Variants in CNKSR2 observed in about 807,000 individuals in gnomAD.
The protein encoded by CNKSR2 is connector enhancer of kinase suppressor of Ras 2, also known as CNK homolog protein 2.
CNKSR2 carries 14 observed loss-of-function variants against 84.4 expected under a neutral mutation model. The observed-to-expected ratio is 0.17, with a 90% CI of 0.11 to 0.26. CNKSR2 has a LOEUF of 0.26. Ranked by LOEUF, CNKSR2 falls within the 10% of genes least tolerant of loss-of-function variation. The pLI, the probability that CNKSR2 is intolerant of heterozygous loss-of-function variation, is 1.00. For synonymous variants in CNKSR2, 275 were observed against 277.9 expected (o/e 0.99, Z 0.10); for missense variants, 485 against 771.2 (o/e 0.63, Z 4.40).
At chrX:21,515,854 T>C (rs1179597848) in intron 8 of CNKSR2, among the ~76,000 whole-genome samples, 1 of 111,959 alleles carries the variant, frequency 8.9e-6, no homozygotes, top group Non-Finnish European at 1.9e-5. Context: ...GTTTATAGGG[T>C]TGTTTGGAAC....
chrX:21,589,477 A>G (rs1173185858), intron 13 of CNKSR2, among the ~76,000 whole-genome samples: 1 of 112,202 alleles, frequency 8.9e-6, no homozygotes, highest in African/African-American at 3.2e-5. Flanking sequence ...CCTGATTTTC[A>G]TTTTGAAGGA....
At chrX:21,613,287 C>T (rs1337630865) in intron 20 of CNKSR2, among the ~76,000 whole-genome samples, 1 of 112,161 alleles carries the variant, frequency 8.9e-6, no homozygotes, top group Non-Finnish European at 1.9e-5. Flanking sequence ...TAGAAAATCT[C>T]GCTTTCCTTT....
intron 4 of CNKSR2, among the ~76,000 whole-genome samples, chrX:21,469,596 G>T (rs2091172205): frequency 9.1e-6 from 1 of 109,827 alleles, no homozygotes; most frequent in South Asian, 3.9e-4. Context: ...ATTTTTTGAA[G>T]TAAAGTTAGT....
intron 20 of CNKSR2, among the ~76,000 whole-genome samples, chrX:21,632,863 CAGAT>C (rs1394560877): frequency 9.0e-6 from 1 of 111,362 alleles, no homozygotes; most frequent in Admixed American, 9.6e-5. Context: ...ATAGCATATC[CAGAT>C]AGATCTGATG....
At chrX:21,515,647 C>T (rs1022424519) in intron 8 of CNKSR2, among the ~76,000 whole-genome samples, 8 of 111,089 alleles carry the variant, frequency 7.2e-5, no homozygotes, top group Admixed American at 3.8e-4. Context: ...ATCACTAGTC[C>T]GTTTTGAAAG....
chrX:21,400,113 G>T (rs904136734), intron 1 of CNKSR2, among the ~76,000 whole-genome samples: 1 of 110,892 alleles, frequency 9.0e-6, no homozygotes, highest in Admixed American at 9.6e-5. Context: ...TTACAACCAG[G>T]CATCATGCCA....
rs192557037 is a variant in CNKSR2 at position 21,450,257 on chromosome X, T to C, written c.519+9476T>C. On this transcript the variant is annotated intron_variant, in intron 4 of 21. Coordinates refer to ENST00000379510, the MANE Select transcript of CNKSR2 (RefSeq NM_014927.5). Reference sequence around the variant, plus strand: ...TAGTACTAGGAAACTTAAACAGATATGGATTCTATGGAATATCTCTTTTCA... The same window carrying C: ...TAGTACTAGGAAACTTAAACAGATACGGATTCTATGGAATATCTCTTTTCA... Among the ~76,000 whole-genome samples the C allele has an allele frequency of 2.5e-3, 280 of 111,944 alleles. 4 individuals are homozygous for C. Among genetic ancestry groups the C allele is most frequent in the African/African-American group, 8.6e-3 (264 of 30,800 alleles).
At chrX:21,627,655 G>A (rs1295320835) in intron 20 of CNKSR2, among the ~76,000 whole-genome samples, 1 of 111,884 alleles carries the variant, frequency 8.9e-6, no homozygotes, top group African/African-American at 3.3e-5. Context: ...AGCTTGTGGA[G>A]GGAAACTCCC....
In CNKSR2 at chrX:21,495,893, G is replaced by A. The variant is rs112528839; in HGVS notation, c.682-1894G>A. Among the ~76,000 whole-genome samples, 60 of 97,251 alleles carry A rather than the reference G, an allele frequency of 6.2e-4. 2 individuals carry two copies. The East Asian group carries it at 0.01, about 16-fold the overall frequency. The allele number at this position is 97,251 out of a possible 115,157, so 84.5% of individuals were successfully genotyped here. ...TCATTTAATGACGGGATTCCATTCC[G>A]AGAAATGCATCCTTAGGTAATTTCA... On this transcript the variant is annotated intron_variant, in intron 6 of 21. Transcript: ENST00000379510.
chrX:21,595,114 T>C (rs749078005), intron 16 of CNKSR2, 67 bp downstream of exon 16: 2 of 903,950 alleles, frequency 2.2e-6, no homozygotes, highest in South Asian at 2.3e-5. Flanking sequence ...TTTTAAATTA[T>C]AGGTTGCTCA....
intron 4 of CNKSR2, among the ~76,000 whole-genome samples, chrX:21,462,801 C>T (rs773621240): frequency 9.4e-6 from 1 of 106,944 alleles, no homozygotes; most frequent in Non-Finnish European, 1.9e-5. Flanking sequence ...GCAACCTCTG[C>T]CTCCTGGGTT....
chrX:21,467,225 G>A (rs2091139525), intron 4 of CNKSR2, among the ~76,000 whole-genome samples: 1 of 110,849 alleles, frequency 9.0e-6, no homozygotes, highest in Non-Finnish European at 1.9e-5. Context: ...AGTGTTTCTC[G>A]AAATACCATC....
Position 21,434,672 on chromosome X carries a change from A to G in CNKSR2, c.431+1858A>G, listed in dbSNP as rs143400598. Among the ~76,000 whole-genome samples, 245 of 111,520 alleles carry G rather than the reference A, an allele frequency of 2.2e-3. 1 individual carries two copies. Among genetic ancestry groups the G allele is most frequent in the African/African-American group, 7.6e-3 (234 of 30,854 alleles). ...CACCTGTTTTCATTTTTAAACAGCT[A>G]TAAGTTTTATGGCATTACAAAATTT... On this transcript the variant is annotated intron_variant, in intron 3 of 21. Transcript: ENST00000379510.
intron 13 of CNKSR2, among the ~76,000 whole-genome samples, chrX:21,583,151 G>A (rs1052978362): frequency 9.0e-6 from 1 of 111,136 alleles, no homozygotes; most frequent in Non-Finnish European, 1.9e-5. Flanking sequence ...AAATCAGGTC[G>A]ACCTGACTGA....
rs76791548 is a variant in CNKSR2, at chrX:21,374,630, A to AGCCGCCGCC, written c.-258_-250dup. The AGCCGCCGCC allele has an allele frequency of 4.9e-4, 216 of 445,286 alleles. 1 individual carries two copies. The highest frequency in any genetic ancestry group is 3.8e-3 in the South Asian group (133 of 34,973). 36.7% of individuals were successfully genotyped at this position (445,286 alleles called of 1,213,427 possible). A position where few individuals can be genotyped will look rare whatever the true frequency, so the allele number is the denominator to read the frequency against. On this transcript the variant is annotated 5_prime_UTR_variant, in exon 1 of 22. Transcript: ENST00000379510. ...CAGCAGCAGCAGCAGCAGCAGCAGC[A>AGCCGCCGCC]GCCGCCGCCGCCGCCGCCTTAGCGG...
chrX:21,566,772 A>G (rs1569246304), intron 13 of CNKSR2, among the ~76,000 whole-genome samples: 1 of 111,766 alleles, frequency 8.9e-6, no homozygotes, highest in Admixed American at 9.5e-5. Flanking sequence ...AAGCACACCT[A>G]GAGTATAGTC....
chrX:21,497,705 T>C, intron 6 of CNKSR2, 82 bp from the exon 7 acceptor site: 2 of 527,966 alleles, frequency 3.8e-6, no homozygotes, highest in East Asian at 3.4e-5. Context: ...GATAGAGTAA[T>C]TTTTTATATA....
intron 20 of CNKSR2, chrX:21,641,616 G>A (rs1165569588): frequency 1.7e-6 from 2 of 1,163,404 alleles, no homozygotes; most frequent in East Asian, 3.2e-5. Context: ...TGGACTCACA[G>A]ATTGATAAGC....
intron 11 of CNKSR2, among the ~76,000 whole-genome samples, chrX:21,546,333 A>T (rs1321640513): frequency 9.2e-6 from 1 of 108,826 alleles, no homozygotes; most frequent in Non-Finnish European, 1.9e-5. Flanking sequence ...GAGATTGAAG[A>T]TCAACTTAAT....
Sources: allele counts gnomAD v4.1 joint callset (sites outside exome capture counted in the v4.1 genomes callset), GRCh38; gene constraint gnomAD v4.1.1; transcripts MANE v1.5; gene names NCBI Gene and HGNC (gene_info 2026-07-23, HGNC 2026-07-21).